PCDHGC4: variants seen among roughly 807,000 people sequenced by gnomAD.
PCDHGC4 encodes protocadherin gamma subfamily C, 4, also known as protocadherin gamma-C4.
A neutral mutation model predicts 59.7 loss-of-function variants in PCDHGC4; 15 were observed. The ratio of observed to expected loss-of-function variants is 0.25; its 90% confidence interval spans 0.17 to 0.39. PCDHGC4 has a LOEUF of 0.39. Ranked by LOEUF, PCDHGC4 falls within the 10% of genes least tolerant of loss-of-function variation. The pLI is 1.00. For missense variants in PCDHGC4, 1,016 were observed against 1,189.5 expected, an observed-to-expected ratio of 0.85 and a Z score of 2.15; for synonymous variants, 434 against 481.4, an observed-to-expected ratio of 0.90 and a Z score of 1.29.
chr5:141,486,505 T>C lies in PCDHGC4; in HGVS notation c.1332T>C (p.Asn444=). The C allele has an allele frequency of 6.2e-7, 1 of 1,614,156 alleles. No individual in the cohort carries two copies. ...GTACCCACAGAACTATTTTCCTCAA[T>C]ATTTCAGATGTGAATGATAATCCAC... is the stretch of plus-strand genomic sequence containing the variant. The part of the protein sequence containing the change: ...PLSTHRTIFL[N]ISDVNDNPPS... The change falls in exon 1 of 4, where the codon AAT becomes AAC. Residue 444 remains asparagine (N), a synonymous_variant. Coordinates refer to ENST00000306593, the MANE Select transcript of PCDHGC4 (RefSeq NM_018928.3). The surrounding 1 kb of genome is among the most constrained non-coding windows in gnomAD (Gnocchi z 5.0).
At chr5:141,501,926 C>T (rs1388315216) in intron 2 of PCDHGC4, among the ~76,000 whole-genome samples, 1 of 152,126 alleles carries the variant, frequency 6.6e-6, no homozygotes, top group African/African-American at 2.4e-5. Flanking sequence ...AGCTTTGTTC[C>T]CTCAACACCA....
rs1445450316 is a variant in PCDHGC4, at chr5:141,491,210, C to T, written c.2442+3595C>T. On this transcript the variant is annotated intron_variant, in intron 1 of 3. Coordinates refer to ENST00000306593, the MANE Select transcript of PCDHGC4 (RefSeq NM_018928.3). The surrounding 1 kb of genome is among the most constrained non-coding windows in gnomAD (Gnocchi z 6.9). ...AGGGACAATGGTGACCCTTCACTCT[C>T]CTCCACAGCCACAGTGCTGCTGGTT... The T allele has an allele frequency of 3.7e-6, 6 of 1,614,228 alleles. No homozygotes were observed. Among genetic ancestry groups the T allele is most frequent in the Non-Finnish European group, 3.4e-6 (4 of 1,180,032 alleles).
At chr5:141,502,782 T>C (rs1200280465) in intron 2 of PCDHGC4, among the ~76,000 whole-genome samples, 1 of 152,132 alleles carries the variant, frequency 6.6e-6, no homozygotes, top group African/African-American at 2.4e-5. Context: ...GAAAATTACC[T>C]GGATGATTTC....
intron 2 of PCDHGC4, among the ~76,000 whole-genome samples, chr5:141,502,517 G>A (rs1333510345): frequency 1.3e-5 from 2 of 152,128 alleles, no homozygotes; most frequent in Admixed American, 6.6e-5. Flanking sequence ...CCCACTATCA[G>A]TGATGCCGAG....
chr5:141,498,672 C>T (rs1034911993), intron 2 of PCDHGC4, among the ~76,000 whole-genome samples: 3 of 152,218 alleles, frequency 2.0e-5, no homozygotes, highest in South Asian at 4.1e-4. Context: ...TGGCTCACGC[C>T]TGTAATCCCA....
rs1221295650 is a variant in PCDHGC4 at position 141,489,576 on chromosome 5, C to A, written c.2442+1961C>A. 3 of 1,613,936 alleles carry A rather than the reference C, an allele frequency of 1.9e-6. No individual in the cohort carries two copies. Among genetic ancestry groups the A allele is most frequent in the Non-Finnish European group, 2.5e-6 (3 of 1,179,984 alleles). ...TGCCAGTGCAGGTGGTGACTGAACA[C>A]CCCCTGGAGCTAATCCGTGTAGAGG... On this transcript the variant is annotated intron_variant, in intron 1 of 3. Transcript: ENST00000306593. This position sits in a 1 kb window ranked among gnomAD's most constrained non-coding sequence, Gnocchi z 4.5.
chr5:141,490,960 T>C lies in PCDHGC4; in HGVS notation c.2442+3345T>C. 1.9e-6 allele frequency: 3 copies of C among 1,613,794 alleles called. No homozygotes were observed. The highest frequency in any genetic ancestry group is 2.2e-5 in the South Asian group (2 of 91,030). On this transcript the variant is annotated intron_variant, in intron 1 of 3. Transcript: ENST00000306593. The surrounding 1 kb of genome is among the most constrained non-coding windows in gnomAD (Gnocchi z 5.4). ...GCACCCACGGCCAGACTGGGAACACTCAGCCCCCCAGCGTCTCCCTCGCTC... is the reference window on the plus strand; with the variant it reads ...GCACCCACGGCCAGACTGGGAACACCCAGCCCCCCAGCGTCTCCCTCGCTC...
chr5:141,508,741 C>G (rs2099871426), intron 3 of PCDHGC4, among the ~76,000 whole-genome samples: 1 of 152,042 alleles, frequency 6.6e-6, no homozygotes, highest in Non-Finnish European at 1.5e-5. Context: ...ACCCCCCACC[C>G]CGCTCTTTCT....
rs566049956 is a variant in PCDHGC4 at position 141,511,685 on chromosome 5, G to A, written c.*512G>A. 1.0e-5 allele frequency: 2 copies of A among 198,374 alleles called. No individual in the cohort carries two copies. Among genetic ancestry groups the A allele is most frequent in the Non-Finnish European group, 2.1e-5 (2 of 94,428 alleles). The allele number at this position is 198,374 out of a possible 1,614,324, so 12.3% of individuals were successfully genotyped here. On this transcript the variant is annotated 3_prime_UTR_variant, in exon 4 of 4. Coordinates refer to ENST00000306593, the MANE Select transcript of PCDHGC4 (RefSeq NM_018928.3). ...GATTCTCAATCTTCCCCCAAAGCAT[G>A]GTTTGGTGCCAGCCCCTTCACCTCC...
chr5:141,511,028 T>C lies in PCDHGC4; in HGVS notation c.2672T>C (p.Leu891Pro). ...GCCCGCTACGGACCCCAGTTCACCC[T>C]GCAGCACGTGCCCGACTACCGCCAG... ...LSARYGPQFTLQHVPDYRQNV... is the reference protein window; with the variant it reads ...LSARYGPQFTPQHVPDYRQNV... The change falls in exon 4 of 4, where the codon CTG becomes CCG. Residue 891 changes from leucine (L) to proline (P), a missense_variant. Leu to Pro is a moderately conservative substitution (Grantham distance 98, BLOSUM62 -3). Transcript: ENST00000306593. 1 of 1,614,202 alleles carries C rather than the reference T, an allele frequency of 6.2e-7. No homozygotes were observed. Among genetic ancestry groups the C allele is most frequent in the Non-Finnish European group, 8.5e-7 (1 of 1,180,028 alleles).
At position 141,495,009 on chromosome 5, in the gene PCDHGC4, G is replaced by A; in HGVS notation, c.2501+144G>A. 6 of 1,518,622 alleles carry A rather than the reference G, an allele frequency of 4.0e-6. No homozygotes were observed. The South Asian group carries it at 6.2e-5, about 16-fold the overall frequency. The allele number at this position is 1,518,622 out of a possible 1,614,324, so 94.1% of individuals were successfully genotyped here. ...TCCCAGGGAGGTCTTGGTGTGCGGG[G>A]GGCTGGCACACAGACCCCGGAAGGA... is the stretch of plus-strand genomic sequence containing the variant. On this transcript the variant is annotated intron_variant, in intron 2 of 3. Coordinates refer to ENST00000306593, the MANE Select transcript of PCDHGC4 (RefSeq NM_018928.3).
rs149806642 is a variant in PCDHGC4 at position 141,502,449 on chromosome 5, A to T, written c.2502-2944A>T. 7.7e-3 allele frequency among the ~76,000 whole-genome samples: 1,166 copies of T among 151,886 alleles called. 15 individuals carry two copies. The highest frequency in any genetic ancestry group is 0.027 in the African/African-American group (1,103 of 41,308). On this transcript the variant is annotated intron_variant, in intron 2 of 3. Coordinates refer to ENST00000306593, the MANE Select transcript of PCDHGC4 (RefSeq NM_018928.3). The stretch of plus-strand genomic sequence containing the variant: ...TCTGATGGTTAGATTCAGATTACAC[A>T]CCTTGGTAGGAATACTTCCCGCAGC...
intron 3 of PCDHGC4, among the ~76,000 whole-genome samples, chr5:141,506,116 A>T: frequency 6.6e-6 from 1 of 152,136 alleles, no homozygotes; most frequent in East Asian, 1.9e-4. Flanking sequence ...AAGAGTCACT[A>T]GGGCCCAGAG....
intron 2 of PCDHGC4, among the ~76,000 whole-genome samples, chr5:141,498,543 C>T (rs2099784198): frequency 6.6e-6 from 1 of 151,870 alleles, no homozygotes; most frequent in South Asian, 2.1e-4. Flanking sequence ...CTGGTCTGGT[C>T]AGACACACCA....
In PCDHGC4 at chr5:141,489,633, T is replaced by C. The variant is rs1298084961; in HGVS notation, c.2442+2018T>C. On this transcript the variant is annotated intron_variant, in intron 1 of 3. Coordinates refer to ENST00000306593, the MANE Select transcript of PCDHGC4 (RefSeq NM_018928.3). The surrounding 1 kb of genome is among the most constrained non-coding windows in gnomAD (Gnocchi z 4.5). ...TCCTGGATCTCAATGACAACTCTCC[T>C]AGCTTTGCCACCCCTGAGCGAGAGA... The C allele has an allele frequency of 6.2e-7, 1 of 1,614,160 alleles. No individual in the cohort carries two copies. Among genetic ancestry groups the C allele is most frequent in the South Asian group, 1.1e-5 (1 of 91,086 alleles).
intron 1 of PCDHGC4, among the ~76,000 whole-genome samples, chr5:141,494,030 A>G (rs1165393646): frequency 6.6e-6 from 1 of 151,978 alleles, no homozygotes; most frequent in Non-Finnish European, 1.5e-5. Context: ...AGCCCTGGAG[A>G]CTTAGTTGGC....
In PCDHGC4 at chr5:141,493,356, C is replaced by G. The variant is rs1303319550; in HGVS notation, c.2443-1451C>G. On this transcript the variant is annotated intron_variant, in intron 1 of 3. Transcript: ENST00000306593. The surrounding 1 kb of genome is among the most constrained non-coding windows in gnomAD (Gnocchi z 4.3). ...ACTCCAGAATGTGTGCTTTTAATTT[C>G]TTGGCACTTGGAACTTTAAAAGCTT... Among the ~76,000 whole-genome samples the G allele has an allele frequency of 6.6e-6, 1 of 152,182 alleles. No individual in the cohort carries two copies. The highest frequency in any genetic ancestry group is 1.5e-5 in the Non-Finnish European group (1 of 68,032).
In PCDHGC4 at chr5:141,510,950, C is replaced by T. The variant is rs770587030; in HGVS notation, c.2594C>T (p.Ala865Val). 1.2e-6 allele frequency: 2 copies of T among 1,614,126 alleles called. No homozygotes were observed. The highest frequency in any genetic ancestry group is 2.2e-5 in the South Asian group (2 of 91,078). ...QAMILASASE[A>V]ADGSSTLGGG... Reference sequence around the variant, plus strand: ...TGATCTTCCTCTGTCTCTGCAGAAGCTGCTGATGGGAGCTCCACCCTGGGA... The same window carrying T: ...TGATCTTCCTCTGTCTCTGCAGAAGTTGCTGATGGGAGCTCCACCCTGGGA... The change falls in exon 4 of 4, where the codon GCT (alanine) becomes GTT (valine). Residue 865 changes from alanine (A) to valine (V), a missense_variant. Physicochemically the swap from Ala to Val is moderately conservative, Grantham distance 64. Transcript: ENST00000306593.
At position 141,487,700 on chromosome 5, in the gene PCDHGC4, C is replaced by A; in HGVS notation, c.2442+85C>A. On this transcript the variant is annotated intron_variant, in intron 1 of 3. Coordinates refer to ENST00000306593, the MANE Select transcript of PCDHGC4 (RefSeq NM_018928.3). This position sits in a 1 kb window ranked among gnomAD's most constrained non-coding sequence, Gnocchi z 5.0. ...AGGCCATGTCCTAGAGAGTACTGGCCTCTCAGTAAGTGCCCATAGTGATGT... is the reference window on the plus strand; with the variant it reads ...AGGCCATGTCCTAGAGAGTACTGGCATCTCAGTAAGTGCCCATAGTGATGT... The A allele has an allele frequency of 6.3e-7, 1 of 1,597,514 alleles. No homozygotes were observed. Among genetic ancestry groups the A allele is most frequent in the African/African-American group, 1.3e-5 (1 of 74,868 alleles).
Sources: gnomAD v4.1 joint callset for allele counts (sites outside exome capture counted in the v4.1 genomes callset) on GRCh38, gnomAD v4.1.1 for gene constraint, Gnocchi (gnomAD v3.1) non-coding constraint, MANE v1.5 for transcripts, NCBI Gene and HGNC (gene_info 2026-07-23, HGNC 2026-07-21) for gene names.